TSHZ2: variants seen among roughly 807,000 people sequenced by gnomAD.
TSHZ2 encodes teashirt zinc finger homeobox 2.
TSHZ2 carries 21 observed loss-of-function variants against 74.4 expected under a neutral mutation model. The observed-to-expected ratio is 0.28, with a 90% CI of 0.20 to 0.41. The LOEUF is 0.41. Among genes scored for constraint, TSHZ2 ranks in the 10% least tolerant of loss-of-function variants. The pLI is 1.00. For synonymous variants in TSHZ2, 540 were observed against 515.3 expected (o/e 1.05, Z -0.65); for missense variants, 1,244 against 1,293.5 (o/e 0.96, Z 0.59).
chr20:53,341,665 G>C (rs534800219), intron 2 of TSHZ2, among the ~76,000 whole-genome samples: 1 of 151,958 alleles, frequency 6.6e-6, no homozygotes, highest in East Asian at 1.9e-4. Flanking sequence ...TCATTTCTTA[G>C]AACAGTTTTT....
At chr20:53,383,408 T>C (rs1001836983) in intron 2 of TSHZ2, among the ~76,000 whole-genome samples, 2 of 152,186 alleles carry the variant, frequency 1.3e-5, no homozygotes, top group African/African-American at 4.8e-5. Context: ...TTCTTACAAA[T>C]ACCCTAGAAG....
At chr20:53,460,173 C>T (rs1180585264) in intron 2 of TSHZ2, among the ~76,000 whole-genome samples, 2 of 151,816 alleles carry the variant, frequency 1.3e-5, no homozygotes, top group Non-Finnish European at 2.9e-5. Context: ...GTTCCATTCT[C>T]CCCATCACTT....
At chr20:53,193,358 A>C (rs1052380335) in intron 1 of TSHZ2, among the ~76,000 whole-genome samples, 2 of 152,126 alleles carry the variant, frequency 1.3e-5, no homozygotes, top group Admixed American at 1.3e-4. Flanking sequence ...TGCCGTTCGC[A>C]ATCCTGTTAA....
At chr20:53,231,367 A>G (rs1600756182) in intron 1 of TSHZ2, among the ~76,000 whole-genome samples, 3 of 152,232 alleles carry the variant, frequency 2.0e-5, no homozygotes, top group African/African-American at 7.2e-5. Flanking sequence ...CTTGACTTCA[A>G]CTGGCAATAG....
At chr20:53,204,137 C>T (rs868207265) in intron 1 of TSHZ2, among the ~76,000 whole-genome samples, 3 of 3,984 alleles carry the variant, frequency 7.5e-4, no homozygotes, top group African/African-American at 9.8e-4. Context: ...ATATGATATA[C>T]TATATCATCA....
intron 2 of TSHZ2, among the ~76,000 whole-genome samples, chr20:53,365,196 T>C (rs554412312): frequency 1.3e-5 from 2 of 152,352 alleles, no homozygotes; most frequent in South Asian, 4.1e-4. Flanking sequence ...AAGGAAACTT[T>C]TGTCATGAGG....
chr20:53,294,814 T>C (rs1489975752), intron 2 of TSHZ2, among the ~76,000 whole-genome samples: 2 of 152,094 alleles, frequency 1.3e-5, no homozygotes, highest in African/African-American at 4.8e-5. Flanking sequence ...TCCTTGTTTT[T>C]AGTTCTTATT....
chr20:53,485,852 C>T (rs898347020), intron 2 of TSHZ2, among the ~76,000 whole-genome samples: 1 of 152,142 alleles, frequency 6.6e-6, no homozygotes, highest in Non-Finnish European at 1.5e-5. Flanking sequence ...AAAAATCATA[C>T]ATTATGTATA....
intron 2 of TSHZ2, among the ~76,000 whole-genome samples, chr20:53,306,886 T>C (rs1381082801): frequency 1.3e-5 from 2 of 152,294 alleles, no homozygotes. Context: ...ATAGCTGCCA[T>C]TAGTTGGACA....
At chr20:52,997,262 G>GGA (rs546405037) in intron 1 of TSHZ2, among the ~76,000 whole-genome samples, 21 of 135,516 alleles carry the variant, frequency 1.5e-4, no homozygotes, top group African/African-American at 7.1e-4. Context: ...CTTGCCCCGG[G>GGA]GGGGGGTTCA....
Position 53,493,480 on chromosome 20 carries a change from A to G in TSHZ2, c.*6345A>G. 6.6e-6 allele frequency: 1 copy of G among 152,164 alleles called. No individual in the cohort carries two copies. Among genetic ancestry groups the G allele is most frequent in the East Asian group, 1.9e-4 (1 of 5,204 alleles). The allele number at this position is 152,164 out of a possible 1,614,324, so 9.4% of individuals were successfully genotyped here. A position where few individuals can be genotyped will look rare whatever the true frequency, so the allele number is the denominator to read the frequency against. ...TCTAATAGTGCCTGAAAATTTTTTT[A>G]ATGTCTTCTTAGAAGAAGAATTCAT... On this transcript the variant is annotated 3_prime_UTR_variant, in exon 3 of 3. Transcript: ENST00000371497.
chr20:53,428,360 C>G (rs1483531174), intron 2 of TSHZ2, among the ~76,000 whole-genome samples: 2 of 152,160 alleles, frequency 1.3e-5, no homozygotes, highest in African/African-American at 4.8e-5. Flanking sequence ...TATTATAGCT[C>G]TCTGTAGAAA....
At chr20:53,483,021 C>T (rs191774220) in intron 2 of TSHZ2, among the ~76,000 whole-genome samples, 1 of 152,344 alleles carries the variant, frequency 6.6e-6, no homozygotes, top group East Asian at 1.9e-4. Flanking sequence ...GAACACTGAC[C>T]TTACCAAAAG....
intron 2 of TSHZ2, among the ~76,000 whole-genome samples, chr20:53,436,180 C>T (rs575492623): frequency 6.6e-6 from 1 of 152,180 alleles, no homozygotes; most frequent in Non-Finnish European, 1.5e-5. Flanking sequence ...CAGTATCTGG[C>T]AACACCTGGT....
intron 1 of TSHZ2, among the ~76,000 whole-genome samples, chr20:53,187,750 T>A (rs1983406951): frequency 6.6e-6 from 1 of 150,868 alleles, no homozygotes; most frequent in South Asian, 2.1e-4. Flanking sequence ...AAAAAAAAAA[T>A]ATGTGCTTGG....
intron 2 of TSHZ2, among the ~76,000 whole-genome samples, chr20:53,280,688 TG>T (rs530870598): frequency 3.9e-4 from 57 of 147,004 alleles, no homozygotes; most frequent in Admixed American, 9.7e-4. Flanking sequence ...TTGTTGTGTG[TG>T]GGGGTTTTTT....
chr20:53,472,571 C>T (rs1053592780), intron 2 of TSHZ2, among the ~76,000 whole-genome samples: 1 of 152,184 alleles, frequency 6.6e-6, no homozygotes, highest in Non-Finnish European at 1.5e-5. Context: ...CTGGAACTCA[C>T]AGTCACCAGC....
intron 1 of TSHZ2, among the ~76,000 whole-genome samples, chr20:53,077,280 G>A (rs187187863): frequency 1.1e-4 from 17 of 151,908 alleles, no homozygotes; most frequent in South Asian, 8.3e-4. Flanking sequence ...GCATGGTGGC[G>A]TGTGCGTGTA....
intron 2 of TSHZ2, among the ~76,000 whole-genome samples, chr20:53,270,330 G>A (rs940853427): frequency 6.6e-6 from 1 of 152,122 alleles, no homozygotes; most frequent in East Asian, 1.9e-4. Context: ...CCTCCCGAGA[G>A]GCCAAGCTCT....
Sources: gnomAD v4.1 joint callset for allele counts (sites outside exome capture counted in the v4.1 genomes callset) on GRCh38, gnomAD v4.1.1 for gene constraint, MANE v1.5 for transcripts, NCBI Gene and HGNC (gene_info 2026-07-23, HGNC 2026-07-21) for gene names.